LRRC53: variants seen among roughly 807,000 people sequenced by gnomAD.
LRRC53 encodes leucine rich repeat containing 53.
LRRC53 carries 25 observed loss-of-function variants against 13.6 expected under a neutral mutation model. That is an observed-to-expected ratio of 1.83 (90% confidence interval 1.34 to 2.56). LRRC53 has a LOEUF of 2.56. Ranked by LOEUF, LRRC53 falls within the 30% of genes most tolerant of loss-of-function variation. LRRC53 has a pLI of 0.00. For missense variants in LRRC53, 527 were observed against 275.8 expected (o/e 1.91, Z -6.45); for synonymous variants, 204 against 109.8 (o/e 1.86, Z -5.37).
intron 1 of LRRC53, among the ~76,000 whole-genome samples, chr1:74,506,395 C>A (rs556046225): frequency 6.6e-6 from 1 of 152,268 alleles, no homozygotes; most frequent in African/African-American, 2.4e-5. Flanking sequence ...AACAGCAGGG[C>A]CAAGATTTGA....
chr1:74,481,680 A>G (rs1466667251), intron 2 of LRRC53, among the ~76,000 whole-genome samples: 2 of 152,206 alleles, frequency 1.3e-5, no homozygotes, highest in Non-Finnish European at 2.9e-5. Context: ...CAACTGTTAA[A>G]TCCCTTCACC....
At chr1:74,521,866 G>C in the LRRC53 span, among the ~76,000 whole-genome samples, 1 of 152,184 alleles carries the variant, frequency 6.6e-6, no homozygotes, top group Non-Finnish European at 1.5e-5. Flanking sequence ...TTTAAAGCCT[G>C]TGCTGGTCTA....
the LRRC53 span, among the ~76,000 whole-genome samples, chr1:74,529,490 A>G: frequency 1.3e-5 from 2 of 152,214 alleles, no homozygotes. Context: ...AAGAAACATG[A>G]CAATTCAGTG....
intron 1 of LRRC53, among the ~76,000 whole-genome samples, chr1:74,491,841 C>A (rs1244953274): frequency 6.6e-6 from 1 of 152,032 alleles, no homozygotes; most frequent in East Asian, 1.9e-4. Flanking sequence ...CTGAGTTGGG[C>A]CTACTGTGTT....
intron 1 of LRRC53, among the ~76,000 whole-genome samples, chr1:74,491,786 T>A (rs577109190): frequency 6.6e-6 from 1 of 152,230 alleles, no homozygotes; most frequent in Non-Finnish European, 1.5e-5. Context: ...ATGTGAAGAA[T>A]CTTTTGATCA....
chr1:74,502,509 A>G (rs909419274), intron 1 of LRRC53, among the ~76,000 whole-genome samples: 4 of 152,238 alleles, frequency 2.6e-5, no homozygotes. Flanking sequence ...TCATTACATC[A>G]TGCTATCTCT....
Position 74,484,867 on chromosome 1 carries a change from A to G in LRRC53, c.-26-1492T>C, listed in dbSNP as rs147321297. ...TCTATTTTTAAAGATCATTTTAACT[A>G]CTGAGTTGGGAACTACTTTTAGATA... On this transcript the variant is annotated intron_variant, in intron 1 of 4. Transcript: ENST00000294635. 3.0e-3 allele frequency among the ~76,000 whole-genome samples: 463 copies of G among 152,328 alleles called. 3 individuals are homozygous for G. The highest frequency in any genetic ancestry group is 5.1e-3 in the Non-Finnish European group (344 of 68,034).
intron 1 of LRRC53, among the ~76,000 whole-genome samples, chr1:74,506,246 T>C (rs1669894903): frequency 6.6e-6 from 1 of 152,348 alleles, no homozygotes; most frequent in East Asian, 1.9e-4. Context: ...TAGACGCTAT[T>C]GTGCATTTTT....
At chr1:74,536,868 G>A in the LRRC53 span, among the ~76,000 whole-genome samples, 1 of 152,076 alleles carries the variant, frequency 6.6e-6, no homozygotes, top group South Asian at 2.1e-4. Flanking sequence ...TATTTTCACT[G>A]ACCACAATTT....
rs572002800 is a variant in LRRC53 at position 74,480,956 on chromosome 1, G to A, written c.101C>T (p.Thr34Ile). 3 of 713,896 alleles carry A rather than the reference G, an allele frequency of 4.2e-6. No homozygotes were observed. The highest frequency in any genetic ancestry group is 2.7e-5 in the East Asian group (1 of 37,274). The allele number at this position is 713,896 out of a possible 1,614,324, so 44.2% of individuals were successfully genotyped here. A position where few individuals can be genotyped will look rare whatever the true frequency, so the allele number is the denominator to read the frequency against. ...ATCGGTGATGATTAAAACCCTCGTGGTCATAGGGGCTGCTGTGGGGAAAAA... is the reference window on the plus strand; with the variant it reads ...ATCGGTGATGATTAAAACCCTCGTGATCATAGGGGCTGCTGTGGGGAAAAA... ...QLTYIVAAPMTTRVLIITDGY... is the reference protein window; with the variant it reads ...QLTYIVAAPMITRVLIITDGY... The change falls in exon 3 of 5, where the codon ACC becomes ATC. Residue 34 changes from threonine to isoleucine, a missense_variant. Transcript: ENST00000294635.
chr1:74,500,283 A>G (rs1235770902), intron 1 of LRRC53, among the ~76,000 whole-genome samples: 1 of 151,888 alleles, frequency 6.6e-6, no homozygotes, highest in Admixed American at 6.6e-5. Flanking sequence ...ATTGTTTGTT[A>G]TGGTTACATT....
chr1:74,513,029 T>G (rs567485819), upstream of LRRC53, among the ~76,000 whole-genome samples: 46 of 152,326 alleles, frequency 3.0e-4, no homozygotes, highest in African/African-American at 1.0e-3. Context: ...GAAAATAGTC[T>G]TGACTCTTTA....
intron 1 of LRRC53, among the ~76,000 whole-genome samples, chr1:74,490,526 A>G (rs1368856108): frequency 6.6e-6 from 1 of 152,198 alleles, no homozygotes; most frequent in African/African-American, 2.4e-5. Flanking sequence ...TCTTATTGTA[A>G]TATATTGATC....
intron 1 of LRRC53, among the ~76,000 whole-genome samples, chr1:74,486,502 T>C (rs937735103): frequency 9.5e-6 from 1 of 105,682 alleles, no homozygotes; most frequent in Non-Finnish European, 1.8e-5. Flanking sequence ...GTTTTTTGTT[T>C]TTTGCTTTTT....
intron 2 of LRRC53, among the ~76,000 whole-genome samples, chr1:74,482,434 T>C (rs928802294): frequency 3.3e-5 from 5 of 152,210 alleles, no homozygotes; most frequent in African/African-American, 1.2e-4. Context: ...CCATTTTAGA[T>C]GGTGAGAGTT....
At chr1:74,511,106 T>C (rs1670192760) in intron 1 of LRRC53, among the ~76,000 whole-genome samples, 2 of 152,164 alleles carry the variant, frequency 1.3e-5, no homozygotes, top group African/African-American at 4.8e-5. Context: ...CAGGCTGGTC[T>C]GGAACTCCTG....
the LRRC53 span, among the ~76,000 whole-genome samples, chr1:74,525,642 T>C: frequency 2.0e-5 from 3 of 152,086 alleles, no homozygotes; most frequent in Admixed American, 1.3e-4. Flanking sequence ...TCTGAAGGAG[T>C]GTGCTTCTGG....
At position 74,475,116 on chromosome 1, in the gene LRRC53, CCACACA is replaced by C. The variant is rs3058791; in HGVS notation, c.1420+173_1420+178del. Among the ~76,000 whole-genome samples, 1,348 of 135,980 alleles carry C rather than the reference CCACACA, an allele frequency of 9.9e-3. 13 individuals are homozygous for C. Among genetic ancestry groups the C allele is most frequent in the African/African-American group, 0.03 (1,092 of 36,348 alleles). The allele number at this position is 135,980 out of a possible 152,430, so 89.2% of individuals were successfully genotyped here. On this transcript the variant is annotated intron_variant, in intron 4 of 4. Transcript: ENST00000294635. ...AAGAACACTTCATCTCCACCTCAGC[CCACACA>C]CACACACACACACACACACACACAC... is the stretch of plus-strand genomic sequence containing the variant.
At chr1:74,532,189 C>A in the LRRC53 span, among the ~76,000 whole-genome samples, 7,635 of 152,180 alleles carry the variant, frequency 0.05, 247 homozygotes, top group Non-Finnish European at 0.073. Flanking sequence ...AAGTTTAGTG[C>A]ATGTGTATCT....
Sources: allele counts gnomAD v4.1 joint callset (sites outside exome capture counted in the v4.1 genomes callset), GRCh38; gene constraint gnomAD v4.1.1; transcripts MANE v1.5; gene names NCBI Gene and HGNC (gene_info 2026-07-23, HGNC 2026-07-21).